The following GNPNAT1 variants were observed in gnomAD, a reference collection of about 807,000 sequenced individuals.
The protein encoded by GNPNAT1 is glucosamine 6-phosphate N-acetyltransferase.
Under a neutral mutation model 19.8 loss-of-function variants are expected in GNPNAT1, and 11 were observed. The observed-to-expected ratio is 0.56, with a 90% CI of 0.35 to 0.92. GNPNAT1 has a LOEUF of 0.92. Ranked by LOEUF, GNPNAT1 falls within the 40% of genes least tolerant of loss-of-function variation. The probability of loss-of-function intolerance (pLI) is 0.01; values close to 1 mark genes in which losing one functional copy is unlikely to be tolerated. For missense variants in GNPNAT1, 157 were observed against 211.0 expected, an observed-to-expected ratio of 0.74 and a Z score of 1.59; for synonymous variants, 71 against 72.3, an observed-to-expected ratio of 0.98 and a Z score of 0.09.
chr14:52,791,276 G>C lies in GNPNAT1; in HGVS notation c.-15+152C>G, dbSNP rs535782532. 6.6e-6 allele frequency among the ~76,000 whole-genome samples: 1 copy of C among 152,078 alleles called. No homozygotes were observed. Among genetic ancestry groups the C allele is most frequent in the Admixed American group, 6.5e-5 (1 of 15,286 alleles). On this transcript the variant is annotated intron_variant, in intron 1 of 5. Coordinates refer to ENST00000216410, the MANE Select transcript of GNPNAT1 (RefSeq NM_198066.4). This position sits in a 1 kb window ranked among gnomAD's most constrained non-coding sequence, Gnocchi z 4.1. Reference sequence around the variant, plus strand: ...GCTCCACACCATGTGCACCCAGCTGGCGAGGATTAACGCCCAGCTCCTCCA... The same window carrying C: ...GCTCCACACCATGTGCACCCAGCTGCCGAGGATTAACGCCCAGCTCCTCCA...
At chr14:52,783,700 TG>T (rs989534593) in intron 2 of GNPNAT1, among the ~76,000 whole-genome samples, 1 of 152,162 alleles carries the variant, frequency 6.6e-6, no homozygotes, top group African/African-American at 2.4e-5. Flanking sequence ...CTGCATAAGA[TG>T]TTTTAAATAG....
intron 3 of GNPNAT1, among the ~76,000 whole-genome samples, chr14:52,783,158 G>A (rs934049525): frequency 9.2e-5 from 14 of 151,884 alleles, no homozygotes; most frequent in African/African-American, 3.4e-4. Flanking sequence ...ATAAAAAAAC[G>A]AAAAACCTCT....
chr14:52,789,782 C>A lies in GNPNAT1; in HGVS notation c.-15+1646G>T, dbSNP rs1883112289. Reference sequence around the variant, plus strand: ...ACAGTTGTGTGAAGCGGAATCTCATCATATCATTAGGTTCTTTAAAGTTTT... The same window carrying A: ...ACAGTTGTGTGAAGCGGAATCTCATAATATCATTAGGTTCTTTAAAGTTTT... On this transcript the variant is annotated intron_variant, in intron 1 of 5. Transcript: ENST00000216410. Among the ~76,000 whole-genome samples the A allele has an allele frequency of 2.6e-5, 4 of 152,130 alleles. 1 individual carries two copies. In the South Asian group the frequency reaches 8.3e-4, roughly 31 times the overall value.
In GNPNAT1 at chr14:52,778,462, A is replaced by C. The variant is rs1882794939; in HGVS notation, c.408-4T>G. On this transcript the variant is annotated splice_polypyrimidine_tract_variant and splice_region_variant and intron_variant, in intron 5 of 5. Coordinates refer to ENST00000216410, the MANE Select transcript of GNPNAT1 (RefSeq NM_198066.4). ...CAAAGTAAGGGTTGATAATAACCTG[A>C]AATTTAAAAAGGGGGTAGGGTGAGG... The C allele has an allele frequency of 3.7e-6, 6 of 1,602,508 alleles. No homozygotes were observed. The highest frequency in any genetic ancestry group is 5.1e-6 in the Non-Finnish European group (6 of 1,175,950).
chr14:52,782,694 G>C (rs1207500100), intron 3 of GNPNAT1, among the ~76,000 whole-genome samples: 1 of 145,514 alleles, frequency 6.9e-6, no homozygotes, highest in Non-Finnish European at 1.5e-5. Context: ...GAAATTCAGT[G>C]AATGAAAATA....
intron 3 of GNPNAT1, among the ~76,000 whole-genome samples, chr14:52,782,795 G>T (rs534852323): frequency 2.0e-4 from 30 of 152,134 alleles, no homozygotes; most frequent in African/African-American, 7.2e-4. Flanking sequence ...ATGAAGAATT[G>T]TAATTCCTCA....
At chr14:52,784,027 A>G (rs1413034149) in intron 2 of GNPNAT1, among the ~76,000 whole-genome samples, 1 of 152,188 alleles carries the variant, frequency 6.6e-6, no homozygotes, top group East Asian at 1.9e-4. Context: ...TAGGCCCTTC[A>G]GGCTGTCTAG....
At chr14:52,783,850 T>G (rs1292937645) in intron 2 of GNPNAT1, among the ~76,000 whole-genome samples, 1 of 152,168 alleles carries the variant, frequency 6.6e-6, no homozygotes, top group African/African-American at 2.4e-5. Flanking sequence ...GCAACATGGC[T>G]AAATACAATA....
intron 1 of GNPNAT1, among the ~76,000 whole-genome samples, chr14:52,787,296 GATA>G (rs1197721391): frequency 6.6e-6 from 1 of 152,074 alleles, no homozygotes; most frequent in African/African-American, 2.4e-5. Flanking sequence ...CTTAAAGATG[GATA>G]ATAAGTTTCT....
At chr14:52,784,736 T>A (rs1882972606) in intron 1 of GNPNAT1, 72 bp from the exon 2 acceptor site, 1 of 631,388 alleles carries the variant, frequency 1.6e-6, no homozygotes, top group Non-Finnish European at 2.6e-6. Context: ...AGAAAGTTAA[T>A]ATAAATTAAT....
chr14:52,781,077 C>T (rs563228668), intron 4 of GNPNAT1, among the ~76,000 whole-genome samples: 2 of 152,180 alleles, frequency 1.3e-5, no homozygotes, highest in East Asian at 3.9e-4. Flanking sequence ...GATGTTTTTA[C>T]TTATTAGAGG....
At chr14:52,781,960 T>G in intron 3 of GNPNAT1, 49 bp from the exon 4 acceptor site, 1 of 1,512,404 alleles carries the variant, frequency 6.6e-7, no homozygotes, top group Non-Finnish European at 8.9e-7. Flanking sequence ...TTCAATTTTA[T>G]GGGGAGCCAG....
At chr14:52,778,520 T>G (rs1882797106) in intron 5 of GNPNAT1, 62 bp from the exon 6 acceptor site, 1 of 1,380,594 alleles carries the variant, frequency 7.2e-7, no homozygotes, top group Non-Finnish European at 1.0e-6. Flanking sequence ...TTGATTCTAG[T>G]AACAATATGA....
Position 52,777,446 on chromosome 14 carries a change from A to T in GNPNAT1, c.*865T>A, listed in dbSNP as rs1216263841. The T allele has an allele frequency of 1.3e-5, 2 of 152,216 alleles. No individual in the cohort carries two copies. Among genetic ancestry groups the T allele is most frequent in the African/African-American group, 4.8e-5 (2 of 41,462 alleles). The allele number at this position is 152,216 out of a possible 1,614,324, so 9.4% of individuals were successfully genotyped here. On this transcript the variant is annotated 3_prime_UTR_variant, in exon 6 of 6. Transcript: ENST00000216410. ...ATTTGGCAATCTAGTACAATACATT[A>T]AGTATTGTGTTTCACTCAATTTTGT...
intron 5 of GNPNAT1, among the ~76,000 whole-genome samples, chr14:52,778,892 A>G (rs1048569924): frequency 1.3e-5 from 2 of 152,072 alleles, no homozygotes; most frequent in East Asian, 1.9e-4. Context: ...GCACATGCCT[A>G]AAGTCGCAGC....
At chr14:52,783,370 A>C (rs2139966538) in intron 3 of GNPNAT1, 53 bp downstream of exon 3, 2 of 1,254,176 alleles carry the variant, frequency 1.6e-6, no homozygotes, top group East Asian at 2.3e-5. Flanking sequence ...GCTCTAAACA[A>C]AAATGAAATC....
At chr14:52,786,516 A>AT (rs1883023214) in intron 1 of GNPNAT1, among the ~76,000 whole-genome samples, 1 of 152,090 alleles carries the variant, frequency 6.6e-6, no homozygotes, top group Non-Finnish European at 1.5e-5. Flanking sequence ...AAAAAATTAA[A>AT]TTAAAATTAA....
chr14:52,786,857 A>ATTTTTATT (rs1883032573), intron 1 of GNPNAT1, among the ~76,000 whole-genome samples: 1 of 98,694 alleles, frequency 1.0e-5, no homozygotes, highest in Non-Finnish European at 2.0e-5. Flanking sequence ...CAGGTTTTGG[A>ATTTTTATT]TTTTTTTTTT....
chr14:52,779,489 CT>C (rs1412019742), intron 5 of GNPNAT1, among the ~76,000 whole-genome samples: 2 of 151,992 alleles, frequency 1.3e-5, no homozygotes, highest in African/African-American at 2.4e-5. Flanking sequence ...AATTCCAGCA[CT>C]TTAGGAGGCC....
Sources: gnomAD v4.1 joint callset for allele counts (sites outside exome capture counted in the v4.1 genomes callset) on GRCh38, gnomAD v4.1.1 for gene constraint, Gnocchi (gnomAD v3.1) non-coding constraint, MANE v1.5 for transcripts, NCBI Gene and HGNC (gene_info 2026-07-23, HGNC 2026-07-21) for gene names.